Variants in DIAPH3 observed in about 807,000 individuals in gnomAD.
DIAPH3 encodes diaphanous related formin 3, also known as protein diaphanous homolog 3.
DIAPH3 carries 117 observed loss-of-function variants against 144.3 expected under a neutral mutation model. The ratio of observed to expected loss-of-function variants is 0.81; its 90% CI spans 0.70 to 0.95. The LOEUF (loss-of-function observed/expected upper bound fraction) is 0.95, where lower values mean the gene tolerates loss of function less well. Among genes scored for constraint, DIAPH3 ranks in the 40% least tolerant of loss-of-function variants. The pLI, the probability that DIAPH3 is intolerant of heterozygous loss-of-function variation, is 0.00. For synonymous variants in DIAPH3, 519 were observed against 488.9 expected (o/e 1.06, Z -0.81); for missense variants, 1,421 against 1,412.7 (o/e 1.01, Z -0.09).
chr13:59,683,321 A>T (rs1038172711), intron 27 of DIAPH3, among the ~76,000 whole-genome samples: 3 of 152,122 alleles, frequency 2.0e-5, no homozygotes, highest in Non-Finnish European at 2.9e-5. Flanking sequence ...TATGACTTTT[A>T]GCAAAATTAG....
chr13:59,995,858 C>T (rs1313054585), intron 9 of DIAPH3, among the ~76,000 whole-genome samples: 1 of 151,858 alleles, frequency 6.6e-6, no homozygotes, highest in East Asian at 1.9e-4. Flanking sequence ...ACGTAAAAAC[C>T]AAGACCTCAG....
At chr13:59,963,148 G>C (rs1029445852) in intron 17 of DIAPH3, among the ~76,000 whole-genome samples, 1 of 152,118 alleles carries the variant, frequency 6.6e-6, no homozygotes, top group African/African-American at 2.4e-5. Flanking sequence ...GAAAGCTGTG[G>C]TTAACAAAAG....
intron 4 of DIAPH3, among the ~76,000 whole-genome samples, chr13:60,058,886 A>G (rs2056658476): frequency 6.6e-6 from 1 of 151,922 alleles, no homozygotes; most frequent in Non-Finnish European, 1.5e-5. Context: ...TATAATAAAT[A>G]CTGGAGGATG....
At chr13:59,823,791 A>T (rs765675042) in intron 24 of DIAPH3, among the ~76,000 whole-genome samples, 9 of 152,196 alleles carry the variant, frequency 5.9e-5, no homozygotes, top group Non-Finnish European at 1.2e-4. Context: ...TGGCAAAATG[A>T]GTTTTGTTCT....
chr13:59,863,425 A>G (rs1168063398), intron 21 of DIAPH3, among the ~76,000 whole-genome samples: 4 of 152,166 alleles, frequency 2.6e-5, no homozygotes, highest in African/African-American at 7.2e-5. Context: ...AATTCCCATA[A>G]GTAATATTTT....
intron 24 of DIAPH3, among the ~76,000 whole-genome samples, chr13:59,825,807 T>C (rs938553945): frequency 2.0e-5 from 3 of 152,210 alleles, no homozygotes; most frequent in Admixed American, 6.6e-5. Flanking sequence ...CATTTTTTCA[T>C]GTGTCTTTTG....
At chr13:60,038,498 A>C (rs1334529564) in intron 5 of DIAPH3, among the ~76,000 whole-genome samples, 3 of 151,990 alleles carry the variant, frequency 2.0e-5, no homozygotes, top group Non-Finnish European at 4.4e-5. Flanking sequence ...TGAAGAAAAA[A>C]TGGATTCCAA....
intron 21 of DIAPH3, among the ~76,000 whole-genome samples, chr13:59,870,827 C>A (rs759454089): frequency 1.3e-5 from 2 of 151,940 alleles, no homozygotes; most frequent in Non-Finnish European, 2.9e-5. Context: ...TGTGCCACCA[C>A]GCCTGGCTAA....
chr13:59,942,314 C>T (rs1159629096), intron 17 of DIAPH3, among the ~76,000 whole-genome samples: 1 of 152,134 alleles, frequency 6.6e-6, no homozygotes, highest in Non-Finnish European at 1.5e-5. Flanking sequence ...AAGGTCATTT[C>T]TAAGCTGTAA....
At chr13:59,789,014 T>C (rs111582798) in intron 25 of DIAPH3, among the ~76,000 whole-genome samples, 3 of 152,154 alleles carry the variant, frequency 2.0e-5, no homozygotes, top group African/African-American at 7.2e-5. Flanking sequence ...GAAAGCAAAA[T>C]TTAGAAACTG....
chr13:59,691,725 G>A (rs2033535277), intron 27 of DIAPH3, among the ~76,000 whole-genome samples: 1 of 152,124 alleles, frequency 6.6e-6, no homozygotes, highest in South Asian at 2.1e-4. Flanking sequence ...AAGGAGGAAA[G>A]AATGTTTTAG....
chr13:60,066,637 T>A (rs529125666), intron 4 of DIAPH3, among the ~76,000 whole-genome samples: 10 of 152,342 alleles, frequency 6.6e-5, no homozygotes, highest in African/African-American at 2.4e-4. Flanking sequence ...TCACTTTTAT[T>A]CATCAATAAC....
At chr13:60,003,699 G>A (rs575644465) in intron 9 of DIAPH3, among the ~76,000 whole-genome samples, 2 of 151,856 alleles carry the variant, frequency 1.3e-5, no homozygotes, top group East Asian at 3.9e-4. Context: ...TCAGCCTCCC[G>A]AGTAGCTGGG....
intron 7 of DIAPH3, among the ~76,000 whole-genome samples, chr13:60,014,882 A>C (rs1019236773): frequency 4.6e-5 from 7 of 152,220 alleles, no homozygotes; most frequent in Non-Finnish European, 1.0e-4. Context: ...TACAGTTAAC[A>C]GTATAAAAGC....
chr13:59,891,839 G>A (rs541667997), intron 20 of DIAPH3, among the ~76,000 whole-genome samples: 223 of 152,072 alleles, frequency 1.5e-3, no homozygotes, highest in African/African-American at 5.1e-3. Context: ...AATAGTTACC[G>A]GTTGAGTAAA....
intron 4 of DIAPH3, among the ~76,000 whole-genome samples, chr13:60,060,450 A>G (rs923633205): frequency 6.6e-6 from 1 of 152,104 alleles, no homozygotes; most frequent in African/African-American, 2.4e-5. Flanking sequence ...CTCTTTTATG[A>G]TTAACAGTTT....
At chr13:59,688,786 A>C (rs749599660) in intron 27 of DIAPH3, among the ~76,000 whole-genome samples, 1 of 152,082 alleles carries the variant, frequency 6.6e-6, no homozygotes, top group Non-Finnish European at 1.5e-5. Context: ...ACTTTACGTA[A>C]AGGAAAAATC....
chr13:60,012,542 G>A (rs2053346736), intron 7 of DIAPH3, among the ~76,000 whole-genome samples: 1 of 152,218 alleles, frequency 6.6e-6, no homozygotes, highest in African/African-American at 2.4e-5. Flanking sequence ...CAGAAAGTCA[G>A]TCAATGATTA....
At chr13:60,132,125 TA>T (rs1274301327) in intron 2 of DIAPH3, among the ~76,000 whole-genome samples, 2 of 152,236 alleles carry the variant, frequency 1.3e-5, no homozygotes, top group African/African-American at 2.4e-5. Context: ...AACATTCTAA[TA>T]CAATTTTTAA....
Sources: gnomAD v4.1 joint callset for allele counts (sites outside exome capture counted in the v4.1 genomes callset) on GRCh38, gnomAD v4.1.1 for gene constraint, MANE v1.5 for transcripts, NCBI Gene and HGNC (gene_info 2026-07-23, HGNC 2026-07-21) for gene names.